The following SETD7 variants were observed in gnomAD, a reference collection of about 807,000 sequenced individuals.
SETD7 encodes histone-lysine N-methyltransferase SETD7.
Under a neutral mutation model 41.8 loss-of-function variants are expected in SETD7, and 16 were observed. The ratio of observed to expected loss-of-function variants is 0.38; its 90% CI spans 0.26 to 0.58. The LOEUF (loss-of-function observed/expected upper bound fraction) is 0.58, where lower values mean the gene tolerates loss of function less well. Among genes scored for constraint, SETD7 ranks in the 20% least tolerant of loss-of-function variants. The pLI, the probability that SETD7 is intolerant of heterozygous loss-of-function variation, is 0.64. For missense variants in SETD7, 346 were observed against 459.7 expected (o/e 0.75, Z 2.26); for synonymous variants, 163 against 169.7 (o/e 0.96, Z 0.31).
intron 7 of SETD7, among the ~76,000 whole-genome samples, chr4:139,514,078 T>A (rs1246058180): frequency 6.6e-6 from 1 of 151,954 alleles, no homozygotes; most frequent in Non-Finnish European, 1.5e-5. Context: ...AGCTCGGGAG[T>A]TCAAGACTAG....
At chr4:139,505,542 T>C (rs966268491), downstream of SETD7, among the ~76,000 whole-genome samples, 2 of 151,892 alleles carry the variant, frequency 1.3e-5, no homozygotes, top group Non-Finnish European at 2.9e-5. Context: ...TGAGCCAAGA[T>C]TGCACCACTG....
chr4:139,542,783 T>G (rs778693925), intron 2 of SETD7, among the ~76,000 whole-genome samples: 1 of 152,258 alleles, frequency 6.6e-6, no homozygotes, highest in Non-Finnish European at 1.5e-5. Flanking sequence ...TTTTAAAATT[T>G]CACAGGGCTA....
At chr4:139,538,603 G>A (rs1041024507) in intron 2 of SETD7, among the ~76,000 whole-genome samples, 1 of 152,176 alleles carries the variant, frequency 6.6e-6, no homozygotes, top group Non-Finnish European at 1.5e-5. Flanking sequence ...GATTACAGGT[G>A]TGAGCCACCG....
At chr4:139,524,235 C>CT (rs1727258856) in intron 4 of SETD7, among the ~76,000 whole-genome samples, 1 of 152,152 alleles carries the variant, frequency 6.6e-6, no homozygotes, top group African/African-American at 2.4e-5. Flanking sequence ...TTGTGAGTGG[C>CT]TTTTTTTGTA....
chr4:139,556,071 C>G, intron 1 of SETD7, 27 bp downstream of exon 1: 13 of 1,580,722 alleles, frequency 8.2e-6, no homozygotes, highest in Non-Finnish European at 1.0e-5. Flanking sequence ...TGCGCCTCCT[C>G]CCCCGGCCCC....
chr4:139,519,438 T>C (rs1444696280), intron 6 of SETD7, among the ~76,000 whole-genome samples: 4 of 152,240 alleles, frequency 2.6e-5, no homozygotes, highest in Non-Finnish European at 4.4e-5. Context: ...AGTCACCCTT[T>C]GTATGCTGAA....
At chr4:139,515,984 T>C (rs1273457148) in intron 7 of SETD7, among the ~76,000 whole-genome samples, 1 of 152,194 alleles carries the variant, frequency 6.6e-6, no homozygotes, top group African/African-American at 2.4e-5. Flanking sequence ...ATCCCAATTA[T>C]ATCCTCTAGA....
downstream of SETD7, among the ~76,000 whole-genome samples, chr4:139,502,577 C>G (rs530303532): frequency 6.6e-6 from 1 of 152,268 alleles, no homozygotes; most frequent in East Asian, 1.9e-4. Context: ...CTTCTGAACC[C>G]CACAGCAAAT....
chr4:139,545,835 G>A (rs536498995), intron 2 of SETD7, among the ~76,000 whole-genome samples: 2 of 152,262 alleles, frequency 1.3e-5, no homozygotes, highest in African/African-American at 4.8e-5. Flanking sequence ...TAAGTGGTGC[G>A]GTATCCTACA....
Position 139,533,325 on chromosome 4 carries a change from T to C in SETD7, c.212A>G (p.Gln71Arg), listed in dbSNP as rs1281579473. The C allele has an allele frequency of 1.4e-5, 22 of 1,614,154 alleles. No homozygotes were observed. The highest frequency in any genetic ancestry group is 1.6e-4 in the Middle Eastern group (1 of 6,062). ...GYYVDDALQG[Q>R]GVYTYEDGGV... The stretch of plus-strand genomic sequence containing the variant: ...CCCATCTTCGTAAGTGTAAACTCCC[T>C]GGCCCTGCAAGGCATCATCCACATA... Residue 71 changes from glutamine (Q) to arginine (R), a missense_variant, in exon 3 of 8, where the codon CAG (glutamine) becomes CGG (arginine). Around this residue, in one of 3 missense-constraint regions of SETD7, gnomAD observed 266 missense variants for 377.0 expected, o/e 0.71. Transcript: ENST00000274031.
intron 1 of SETD7, among the ~76,000 whole-genome samples, chr4:139,550,540 C>T (rs1728080538): frequency 6.6e-6 from 1 of 152,132 alleles, no homozygotes; most frequent in South Asian, 2.1e-4. Context: ...AACTTTATGT[C>T]TAAAACAGCA....
At chr4:139,552,100 G>T (rs1478119494) in intron 1 of SETD7, among the ~76,000 whole-genome samples, 1 of 151,910 alleles carries the variant, frequency 6.6e-6, no homozygotes, top group East Asian at 1.9e-4. Flanking sequence ...GTAATTGTTG[G>T]CAAGGGTTCA....
chr4:139,498,795 T>C (rs1193041694), intron 7 of SETD7, among the ~76,000 whole-genome samples: 1 of 152,216 alleles, frequency 6.6e-6, no homozygotes, highest in Non-Finnish European at 1.5e-5. Flanking sequence ...AATATCACTC[T>C]AACTTTCCCT....
At chr4:139,504,392 C>CT (rs1726655269), downstream of SETD7, among the ~76,000 whole-genome samples, 2 of 152,186 alleles carry the variant, frequency 1.3e-5, no homozygotes, top group African/African-American at 4.8e-5. Flanking sequence ...ATCTGTCTAT[C>CT]TATCTATCTA....
chr4:139,550,701 A>G (rs1467910877), intron 1 of SETD7, among the ~76,000 whole-genome samples: 1 of 152,240 alleles, frequency 6.6e-6, no homozygotes, highest in African/African-American at 2.4e-5. Flanking sequence ...TTGGACAATA[A>G]GATCATGTAA....
chr4:139,540,869 C>T (rs977495482), intron 2 of SETD7, among the ~76,000 whole-genome samples: 1 of 152,160 alleles, frequency 6.6e-6, no homozygotes, highest in African/African-American at 2.4e-5. Flanking sequence ...GATCCAACTC[C>T]AATTTCTCTG....
rs1414273593 is a variant in SETD7, at chr4:139,547,064, C to A, written c.41-15G>T. 6.2e-7 allele frequency: 1 copy of A among 1,613,610 alleles called. No individual in the cohort carries two copies. The highest frequency in any genetic ancestry group is 1.7e-5 in the Admixed American group (1 of 59,860). On this transcript the variant is annotated splice_polypyrimidine_tract_variant and intron_variant, in intron 1 of 7. Transcript: ENST00000274031. Reference sequence around the variant, plus strand: ...GTCCAGGTGCCCTGGAGAAAGGGAACCACAAGGCAAACCTTAACATCTTCA... The same window carrying A: ...GTCCAGGTGCCCTGGAGAAAGGGAAACACAAGGCAAACCTTAACATCTTCA...
At chr4:139,541,296 G>A (rs1727771611) in intron 2 of SETD7, among the ~76,000 whole-genome samples, 1 of 152,024 alleles carries the variant, frequency 6.6e-6, no homozygotes, top group African/African-American at 2.4e-5. Flanking sequence ...CTTGCCTTTA[G>A]GTTCATAAAT....
At chr4:139,531,937 C>G (rs1727491569) in intron 3 of SETD7, among the ~76,000 whole-genome samples, 1 of 151,854 alleles carries the variant, frequency 6.6e-6, no homozygotes, top group African/African-American at 2.4e-5. Flanking sequence ...ACTAAAAATA[C>G]AAAAAAATTA....
Sources: allele counts gnomAD v4.1 joint callset (sites outside exome capture counted in the v4.1 genomes callset), GRCh38; gene constraint gnomAD v4.1.1; regional missense constraint gnomAD v4.1.1; transcripts MANE v1.5; gene names NCBI Gene and HGNC (gene_info 2026-07-23, HGNC 2026-07-21).